KPNA1: variants seen among roughly 807,000 people sequenced by gnomAD.
The protein encoded by KPNA1 is importin subunit alpha-5.
KPNA1 carries 10 observed loss-of-function variants against 70.5 expected under a neutral mutation model. The ratio of observed to expected loss-of-function variants is 0.14; its 90% CI spans 0.09 to 0.24. KPNA1 has a LOEUF of 0.24. Among genes scored for constraint, KPNA1 ranks in the 10% least tolerant of loss-of-function variants. KPNA1 has a pLI of 1.00. For missense variants in KPNA1, 397 were observed against 637.9 expected (o/e 0.62, Z 4.07); for synonymous variants, 192 against 221.9 (o/e 0.87, Z 1.20).
chr3:122,451,816 T>C (rs1576299458), intron 7 of KPNA1, among the ~76,000 whole-genome samples, 160 bp downstream of exon 7: 1 of 152,208 alleles, frequency 6.6e-6, no homozygotes, highest in South Asian at 2.1e-4. Context: ...TGGAAAAAGA[T>C]AGGGTGCTTG....
chr3:122,496,348 A>ACACACACACACC lies in KPNA1; in HGVS notation c.129+88_129+89insGGTGTGTGTGTG, dbSNP rs958829617. 5.2e-5 allele frequency: 62 copies of ACACACACACACC among 1,193,658 alleles called. No individual in the cohort carries two copies. The African/African-American group carries it at 6.6e-4, about 13-fold the overall frequency. 73.9% of individuals were successfully genotyped at this position (1,193,658 alleles called of 1,614,324 possible). ...CACACACACACACACACACACACACACCCCAACTTTGCTAAAATGAAGATA... is the reference window on the plus strand; with the variant it reads ...CACACACACACACACACACACACACACACACACACACCCCCCAACTTTGCTAAAATGAAGATA... On this transcript the variant is annotated intron_variant, in intron 2 of 13. Transcript: ENST00000344337.
intron 12 of KPNA1, among the ~76,000 whole-genome samples, chr3:122,429,800 T>G (rs2075876525): frequency 6.6e-6 from 1 of 152,150 alleles, no homozygotes; most frequent in South Asian, 2.1e-4. Context: ...TACTATAATC[T>G]AATCAAGACA....
intron 2 of KPNA1, among the ~76,000 whole-genome samples, chr3:122,479,670 G>C (rs558861932): frequency 6.6e-6 from 1 of 152,260 alleles, no homozygotes; most frequent in Non-Finnish European, 1.5e-5. Flanking sequence ...TGAGGCAGGA[G>C]AATCACTTGA....
chr3:122,505,180 G>GT (rs1419336814), intron 1 of KPNA1, among the ~76,000 whole-genome samples: 1 of 151,162 alleles, frequency 6.6e-6, no homozygotes, highest in African/African-American at 2.4e-5. Context: ...GCATGCACCT[G>GT]TGAGTCCAGG....
rs1355279307 is a variant in KPNA1, at chr3:122,451,900, G to T, written c.653+76C>A. 6.5e-6 allele frequency: 6 copies of T among 926,602 alleles called. No homozygotes were observed. In the Admixed American group the frequency reaches 1.4e-4, roughly 22 times the overall value. 57.4% of individuals were successfully genotyped at this position (926,602 alleles called of 1,614,324 possible). ...AAAATCCAAAATGATTTCCAAACAT[G>T]TAATGCTTTCTGAGGAATCTCTTAC... On this transcript the variant is annotated intron_variant, in intron 7 of 13. Transcript: ENST00000344337.
intron 2 of KPNA1, among the ~76,000 whole-genome samples, chr3:122,472,507 A>C: frequency 7.2e-6 from 1 of 139,060 alleles, no homozygotes. Flanking sequence ...AAAATCACCT[A>C]ATCAATCACC....
intron 2 of KPNA1, among the ~76,000 whole-genome samples, chr3:122,476,430 C>A (rs1401695802): frequency 6.6e-6 from 1 of 151,850 alleles, no homozygotes; most frequent in Non-Finnish European, 1.5e-5. Context: ...AATGGGGTTA[C>A]AACAAACTTT....
rs562997779 is a variant in KPNA1 at position 122,437,045 on chromosome 3, G to A, written c.1122+125C>T. 471 of 884,366 alleles carry A rather than the reference G, an allele frequency of 5.3e-4. 1 individual carries two copies. The highest frequency in any genetic ancestry group is 6.8e-4 in the Non-Finnish European group (387 of 571,488). The allele number at this position is 884,366 out of a possible 1,614,324, so 54.8% of individuals were successfully genotyped here. On this transcript the variant is annotated intron_variant, in intron 11 of 13. Transcript: ENST00000344337. ...TCCACGGGCCTCAGCCTCCCAGAGTGCTGGGATTACAGGCAGGAGCCACCG... is the reference window on the plus strand; with the variant it reads ...TCCACGGGCCTCAGCCTCCCAGAGTACTGGGATTACAGGCAGGAGCCACCG...
intron 2 of KPNA1, among the ~76,000 whole-genome samples, chr3:122,477,590 C>G (rs2076517381): frequency 1.3e-5 from 2 of 152,038 alleles, no homozygotes; most frequent in Admixed American, 1.3e-4. Flanking sequence ...GTCCCAGCTA[C>G]TCAAAAGGCT....
intron 1 of KPNA1, among the ~76,000 whole-genome samples, chr3:122,500,981 T>C (rs1559760866): frequency 6.6e-6 from 1 of 151,366 alleles, no homozygotes; most frequent in Non-Finnish European, 1.5e-5. Flanking sequence ...TCACTTAAAG[T>C]GGAAAGTTAG....
Position 122,427,047 on chromosome 3 carries a change from G to C in KPNA1, c.1555C>G (p.Leu519Val). 1 of 1,614,160 alleles carries C rather than the reference G, an allele frequency of 6.2e-7. No homozygotes were observed. Among genetic ancestry groups the C allele is most frequent in the Non-Finnish European group, 8.5e-7 (1 of 1,180,014 alleles). ...EDSSIAPQVDLNQQQYIFQQC... is the reference protein window; with the variant it reads ...EDSSIAPQVDVNQQQYIFQQC... ...TGGAAGATGTACTGCTGCTGGTTAA[G>C]GTCAACCTGGGGTGCAATGCTGCTG... The change falls in exon 14 of 14, where the codon CTT becomes GTT. Residue 519 changes from leucine (L) to valine (V), a missense_variant. Transcript: ENST00000344337.
Position 122,454,015 on chromosome 3 carries a change from A to G in KPNA1, c.433-14T>C. On this transcript the variant is annotated splice_polypyrimidine_tract_variant and intron_variant, in intron 5 of 13. Coordinates refer to ENST00000344337, the MANE Select transcript of KPNA1 (RefSeq NM_002264.4). ...AGCTGATTCAAACTATAAAGATAAA[A>G]ATAATTTTCATTATCTTTTTAGAAT... The G allele has an allele frequency of 6.5e-7, 1 of 1,527,790 alleles. No homozygotes were observed. The highest frequency in any genetic ancestry group is 8.9e-7 in the Non-Finnish European group (1 of 1,126,002). The allele number at this position is 1,527,790 out of a possible 1,614,324, so 94.6% of individuals were successfully genotyped here. A position where few individuals can be genotyped will look rare whatever the true frequency, so the allele number is the denominator to read the frequency against.
intron 2 of KPNA1, among the ~76,000 whole-genome samples, chr3:122,496,032 T>G (rs1273834737): frequency 6.6e-6 from 1 of 152,238 alleles, no homozygotes; most frequent in Non-Finnish European, 1.5e-5. Context: ...ATTCTTTCTT[T>G]TTGTGTATAT....
chr3:122,476,822 T>C (rs2076502881), intron 2 of KPNA1, among the ~76,000 whole-genome samples: 1 of 128,544 alleles, frequency 7.8e-6, no homozygotes, highest in Non-Finnish European at 1.6e-5. Context: ...GGGAATGTAA[T>C]TTATTACAGC....
chr3:122,446,871 A>T (rs992958100), intron 9 of KPNA1, among the ~76,000 whole-genome samples: 2 of 152,258 alleles, frequency 1.3e-5, no homozygotes, highest in African/African-American at 4.8e-5. Context: ...ACAAACTACC[A>T]TCAGAGAATA....
At chr3:122,496,015 G>A (rs1260048306) in intron 2 of KPNA1, among the ~76,000 whole-genome samples, 1 of 152,174 alleles carries the variant, frequency 6.6e-6, no homozygotes, top group Non-Finnish European at 1.5e-5. Context: ...GTTTATGTAT[G>A]AGGTTTATTC....
In KPNA1 at chr3:122,435,555, A is replaced by G. The variant is rs185850486; in HGVS notation, c.1122+1615T>C. Among the ~76,000 whole-genome samples the G allele has an allele frequency of 6.1e-4, 93 of 152,346 alleles. 1 individual carries two copies. Among genetic ancestry groups the G allele is most frequent in the Admixed American group, 2.0e-3 (30 of 15,298 alleles). Reference sequence around the variant, plus strand: ...CCCATCAAAACATTTTGAAAATACAAGACATTATTTGTTGCAAGAAGTCAG... The same window carrying G: ...CCCATCAAAACATTTTGAAAATACAGGACATTATTTGTTGCAAGAAGTCAG... On this transcript the variant is annotated intron_variant, in intron 11 of 13. Transcript: ENST00000344337.
chr3:122,444,459 T>C (rs1423117489), intron 9 of KPNA1, among the ~76,000 whole-genome samples: 2 of 152,350 alleles, frequency 1.3e-5, no homozygotes, highest in East Asian at 1.9e-4. Flanking sequence ...TCACGATTTA[T>C]GTTCAGAGAC....
intron 1 of KPNA1, among the ~76,000 whole-genome samples, chr3:122,507,440 CA>C (rs11406672): frequency 2.0e-3 from 232 of 113,308 alleles, no homozygotes; most frequent in African/African-American, 6.0e-3. Flanking sequence ...GACTCCATCT[CA>C]AAAAAAAAAA....
Sources: gnomAD v4.1 joint callset for allele counts (sites outside exome capture counted in the v4.1 genomes callset) on GRCh38, gnomAD v4.1.1 for gene constraint, MANE v1.5 for transcripts, NCBI Gene and HGNC (gene_info 2026-07-23, HGNC 2026-07-21) for gene names.